Variants in SCAF8 observed in about 807,000 individuals in gnomAD.
The protein encoded by SCAF8 is SR-related and CTD-associated factor 8.
Under a neutral mutation model 140.5 loss-of-function variants are expected in SCAF8, and 23 were observed. That is an observed-to-expected ratio of 0.16 (90% CI 0.12 to 0.23). The LOEUF (loss-of-function observed/expected upper bound fraction) is 0.23, where lower values mean the gene tolerates loss of function less well. SCAF8 is among the 10% of genes least tolerant of loss of function. SCAF8 has a pLI of 1.00. For missense variants in SCAF8, 1,397 were observed against 1,555.7 expected, an observed-to-expected ratio of 0.90 and a Z score of 1.72; for synonymous variants, 575 against 528.9, an observed-to-expected ratio of 1.09 and a Z score of -1.20.
chr6:154,785,749 A>T (rs772175134), intron 3 of SCAF8, among the ~76,000 whole-genome samples: 27 of 152,228 alleles, frequency 1.8e-4, no homozygotes, highest in Admixed American at 6.5e-4. Context: ...TTTGACAAAT[A>T]ACCATAACTG....
At chr6:154,741,944 CCTCT>C (rs1183727963) in intron 1 of SCAF8, 12 of 1,524,994 alleles carry the variant, frequency 7.9e-6, no homozygotes, top group Non-Finnish European at 8.8e-7. Flanking sequence ...TTTCTCTACT[CCTCT>C]CTCTCAGGAT....
chr6:154,735,105 CAGAGTGAG>C (rs1778378308), intron 1 of SCAF8, among the ~76,000 whole-genome samples: 1 of 144,826 alleles, frequency 6.9e-6, no homozygotes, highest in Non-Finnish European at 1.5e-5. Context: ...AGCCCAGTGA[CAGAGTGAG>C]ACTCTGTCTA....
At chr6:154,815,169 C>CTA (rs1583060833) in intron 12 of SCAF8, among the ~76,000 whole-genome samples, 1 of 152,046 alleles carries the variant, frequency 6.6e-6, no homozygotes, top group East Asian at 1.9e-4. Flanking sequence ...TGGTGGCGGG[C>CTA]GCCTGTAGTC....
chr6:154,739,178 T>TG (rs1177280691), intron 1 of SCAF8, among the ~76,000 whole-genome samples: 1 of 151,978 alleles, frequency 6.6e-6, no homozygotes, highest in Admixed American at 6.6e-5. Flanking sequence ...TAGGGAAGGG[T>TG]GGGGGGTGTC....
chr6:154,767,488 T>C (rs899575332), intron 1 of SCAF8, among the ~76,000 whole-genome samples: 1 of 151,478 alleles, frequency 6.6e-6, no homozygotes, highest in Non-Finnish European at 1.5e-5. Context: ...TGGGAAATCA[T>C]GTGTTGCCTC....
intron 12 of SCAF8, among the ~76,000 whole-genome samples, chr6:154,814,897 A>G (rs576259647): frequency 4.6e-5 from 7 of 152,282 alleles, no homozygotes; most frequent in South Asian, 2.1e-4. Flanking sequence ...TTCCCTTTGT[A>G]TCTTCCCAGA....
chr6:154,750,508 T>A (rs542471801), intron 1 of SCAF8, among the ~76,000 whole-genome samples: 62 of 152,168 alleles, frequency 4.1e-4, no homozygotes, highest in Non-Finnish European at 5.9e-4. Flanking sequence ...TATAAGACAT[T>A]TAAAAGCAAC....
intron 1 of SCAF8, among the ~76,000 whole-genome samples, chr6:154,749,049 C>G (rs937888481): frequency 6.6e-6 from 1 of 152,178 alleles, no homozygotes; most frequent in African/African-American, 2.4e-5. Flanking sequence ...TCAAGTGATT[C>G]TCCTGCCTCA....
chr6:154,766,880 G>A (rs1483996403), intron 1 of SCAF8, among the ~76,000 whole-genome samples: 1 of 151,930 alleles, frequency 6.6e-6, no homozygotes, highest in Non-Finnish European at 1.5e-5. Context: ...TTCTATTGGG[G>A]TTCTCTTCCA....
chr6:154,744,938 C>T (rs530886015), intron 1 of SCAF8, among the ~76,000 whole-genome samples: 1 of 152,280 alleles, frequency 6.6e-6, no homozygotes, highest in Non-Finnish European at 1.5e-5. Context: ...GTACCCTTTA[C>T]CTCTAAATAA....
chr6:154,764,610 T>C (rs995132131), intron 1 of SCAF8, among the ~76,000 whole-genome samples: 3 of 152,114 alleles, frequency 2.0e-5, no homozygotes, highest in African/African-American at 7.2e-5. Context: ...CACTTAAGAC[T>C]TTGGAAAACA....
intron 3 of SCAF8, among the ~76,000 whole-genome samples, chr6:154,781,279 C>T (rs972003960): frequency 1.3e-5 from 2 of 152,240 alleles, no homozygotes; most frequent in African/African-American, 2.4e-5. Context: ...ATATAGCTAA[C>T]AAGGAGTGTG....
chr6:154,812,391 GTGTAGTGTAAACATATCT>G (rs997911811), intron 12 of SCAF8, among the ~76,000 whole-genome samples: 8 of 148,108 alleles, frequency 5.4e-5, no homozygotes, highest in African/African-American at 2.0e-4. Flanking sequence ...ATAGGTTACA[GTGTAGTGTAAACATATCT>G]TTTGTGTGCA....
chr6:154,809,768 A>G (rs1359068631), intron 11 of SCAF8, among the ~76,000 whole-genome samples: 1 of 152,152 alleles, frequency 6.6e-6, no homozygotes, highest in Non-Finnish European at 1.5e-5. Context: ...CCTTTCTAGA[A>G]TCTTTTTCCT....
chr6:154,734,013 G>T, intron 1 of SCAF8, 83 bp downstream of exon 1: 1 of 1,427,876 alleles, frequency 7.0e-7, no homozygotes, highest in Non-Finnish European at 9.2e-7. Flanking sequence ...GGGTGGGCGC[G>T]GGCCTGCGGG....
rs1226154620 is a variant in SCAF8 at position 154,833,229 on chromosome 6, A to C, written c.3650A>C (p.Glu1217Ala). Residue 1217 changes from glutamate to alanine, a missense_variant, in exon 20 of 20, where the codon GAA becomes GCA. By Grantham distance (107) the Glu-to-Ala change is moderately radical. Coordinates refer to ENST00000367178, the MANE Select transcript of SCAF8 (RefSeq NM_014892.5). ...GATAATGTGCCTCAGGTTAATGGTG[A>C]AAATACAGAGAGACATGCTCAGCCA... ...KGDNVPQVNGENTERHAQPPP... is the reference protein window; with the variant it reads ...KGDNVPQVNGANTERHAQPPP... 11 of 1,614,052 alleles carry C rather than the reference A, an allele frequency of 6.8e-6. No individual in the cohort carries two copies. Among genetic ancestry groups the C allele is most frequent in the Non-Finnish European group, 9.3e-6 (11 of 1,180,000 alleles).
At chr6:154,806,191 T>A (rs1263412571) in intron 9 of SCAF8, among the ~76,000 whole-genome samples, 1 of 152,208 alleles carries the variant, frequency 6.6e-6, no homozygotes, top group Non-Finnish European at 1.5e-5. Flanking sequence ...ATCCTTTAAG[T>A]TCATCTTACG....
rs1314076298 is a variant in SCAF8 at position 154,776,204 on chromosome 6, G to GT, written c.115-1787dup. On this transcript the variant is annotated intron_variant, in intron 2 of 19. Coordinates refer to ENST00000367178, the MANE Select transcript of SCAF8 (RefSeq NM_014892.5). ...TACTTATTTGTCCTGTCACCCAGCAGTTTTTTTTTTGTGACATTGACATTT... is the reference window on the plus strand; with the variant it reads ...TACTTATTTGTCCTGTCACCCAGCAGTTTTTTTTTTTGTGACATTGACATTT... Among the ~76,000 whole-genome samples, 536 of 147,098 alleles carry GT rather than the reference G, an allele frequency of 3.6e-3. 5 individuals carry two copies. The highest frequency in any genetic ancestry group is 0.011 in the African/African-American group (444 of 40,322).
intron 1 of SCAF8, among the ~76,000 whole-genome samples, chr6:154,771,962 G>A (rs766105333): frequency 2.6e-5 from 4 of 152,172 alleles, no homozygotes; most frequent in African/African-American, 4.8e-5. Flanking sequence ...TGTTCTTCAG[G>A]TGAGAGATTA....
Sources: allele counts gnomAD v4.1 joint callset (sites outside exome capture counted in the v4.1 genomes callset), GRCh38; gene constraint gnomAD v4.1.1; transcripts MANE v1.5; gene names NCBI Gene and HGNC (gene_info 2026-07-23, HGNC 2026-07-21).